EDAR: variants seen among roughly 807,000 people sequenced by gnomAD.
The protein encoded by EDAR is tumor necrosis factor receptor superfamily member EDAR.
A neutral mutation model predicts 51.3 loss-of-function variants in EDAR; 38 were observed. The ratio of observed to expected loss-of-function variants is 0.74; its 90% CI spans 0.57 to 0.97. The LOEUF is 0.97. Ranked by LOEUF, EDAR falls within the 50% of genes least tolerant of loss-of-function variation. The pLI is 0.00. For missense variants in EDAR, 528 were observed against 595.0 expected, an observed-to-expected ratio of 0.89 and a Z score of 1.17; for synonymous variants, 227 against 242.1, an observed-to-expected ratio of 0.94 and a Z score of 0.58.
chr2:108,970,163 T>C (rs190949597), intron 1 of EDAR, among the ~76,000 whole-genome samples: 1 of 152,248 alleles, frequency 6.6e-6, no homozygotes, highest in Admixed American at 6.5e-5. Flanking sequence ...GAGCATCGCC[T>C]GGGAGCTCCT....
chr2:108,946,422 G>A (rs187108382), intron 1 of EDAR, among the ~76,000 whole-genome samples: 2 of 152,340 alleles, frequency 1.3e-5, no homozygotes, highest in African/African-American at 2.4e-5. Flanking sequence ...TTGGGGACTG[G>A]TGTCAGGAAT....
intron 8 of EDAR, 58 bp from the exon 9 acceptor site, chr2:108,910,590 G>T: frequency 6.7e-7 from 1 of 1,484,472 alleles, no homozygotes; most frequent in Non-Finnish European, 9.4e-7. Context: ...ATGGCTCTGC[G>T]CTCAGCCCAA....
chr2:108,979,234 C>T (rs967463509), intron 1 of EDAR, among the ~76,000 whole-genome samples: 3 of 152,128 alleles, frequency 2.0e-5, no homozygotes, highest in Non-Finnish European at 1.5e-5. Context: ...GGAGAATCTG[C>T]GTCTTAGAGC....
intron 1 of EDAR, among the ~76,000 whole-genome samples, chr2:108,969,392 G>A (rs772304692): frequency 1.6e-4 from 25 of 152,076 alleles, no homozygotes; most frequent in African/African-American, 5.3e-4. Flanking sequence ...TTGTATCTCC[G>A]GTGAGAGGAG....
intron 11 of EDAR, among the ~76,000 whole-genome samples, chr2:108,904,031 T>C (rs1257729414): frequency 6.6e-6 from 1 of 152,084 alleles, no homozygotes; most frequent in Non-Finnish European, 1.5e-5. Context: ...AGCTAAACTA[T>C]AGAATGGAGA....
intron 1 of EDAR, among the ~76,000 whole-genome samples, chr2:108,932,905 A>C (rs1026640231): frequency 1.3e-5 from 2 of 152,188 alleles, no homozygotes; most frequent in African/African-American, 4.8e-5. Flanking sequence ...GGGAGCTTCC[A>C]GTCTGCAGGC....
intron 1 of EDAR, among the ~76,000 whole-genome samples, chr2:108,957,866 C>T (rs1697955446): frequency 6.6e-6 from 1 of 152,144 alleles, no homozygotes. Context: ...GTTTTTGTAA[C>T]GTTTTTGATC....
intron 1 of EDAR, 118 bp from the exon 2 acceptor site, chr2:108,931,150 T>C: frequency 1.2e-6 from 1 of 815,282 alleles, no homozygotes; most frequent in South Asian, 1.4e-5. Context: ...GGGGAAACTA[T>C]ACATCCTAAA....
intron 1 of EDAR, among the ~76,000 whole-genome samples, chr2:108,977,278 C>CT (rs1002338565): frequency 4.0e-5 from 6 of 151,868 alleles, no homozygotes; most frequent in Admixed American, 6.6e-5. Context: ...CTCGCCTTTT[C>CT]TTTTTTTTGA....
intron 8 of EDAR, 38 bp downstream of exon 8, chr2:108,910,738 A>G: frequency 6.2e-7 from 1 of 1,607,330 alleles, no homozygotes; most frequent in Non-Finnish European, 8.5e-7. Flanking sequence ...AGAGATGGGC[A>G]CCGTGCACAT....
rs572592813 is a variant in EDAR at position 108,950,993 on chromosome 2, A to C, written c.-18-19961T>G. ...CAGCTGCAGCCTTTGTCTGCCATCC[A>C]TTGTCCAGCATCTGGGAGCACTGAT... On this transcript the variant is annotated intron_variant, in intron 1 of 11. Coordinates refer to ENST00000258443, the MANE Select transcript of EDAR (RefSeq NM_022336.4). Among the ~76,000 whole-genome samples, 50 of 152,290 alleles carry C rather than the reference A, an allele frequency of 3.3e-4. 1 individual carries two copies. Among genetic ancestry groups the C allele is most frequent in the East Asian group, 1.4e-3 (7 of 5,180 alleles).
At chr2:108,929,140 C>A (rs758156986) in intron 4 of EDAR, 58 bp downstream of exon 4, 15 of 1,599,928 alleles carry the variant, frequency 9.4e-6, no homozygotes, top group Non-Finnish European at 1.2e-5. Flanking sequence ...TTGCCCGTAG[C>A]CCCTCGGGGT....
In EDAR at chr2:108,895,130, G is replaced by T. The variant is rs1336247245; in HGVS notation, c.*1777C>A. On this transcript the variant is annotated 3_prime_UTR_variant, in exon 12 of 12. Transcript: ENST00000258443. ...TTAGCTTGCAGGGTAAACCAAATAG[G>T]TTCGAAAAACAGCAGCAAACAGACA... 2 of 152,568 alleles carry T rather than the reference G, an allele frequency of 1.3e-5. No individual in the cohort carries two copies. Among genetic ancestry groups the T allele is most frequent in the East Asian group, 3.8e-4 (2 of 5,206 alleles). The allele number at this position is 152,568 out of a possible 1,614,324, so 9.5% of individuals were successfully genotyped here.
At chr2:108,958,420 CA>C (rs948811202) in intron 1 of EDAR, among the ~76,000 whole-genome samples, 1 of 141,776 alleles carries the variant, frequency 7.1e-6, no homozygotes, top group Non-Finnish European at 1.5e-5. Context: ...AAAAAAAAAA[CA>C]AAAAACAAAA....
intron 1 of EDAR, among the ~76,000 whole-genome samples, chr2:108,946,197 T>C (rs1243007090): frequency 6.6e-6 from 1 of 152,174 alleles, no homozygotes; most frequent in East Asian, 1.9e-4. Context: ...AGGTACAAAA[T>C]GCACCAGGGC....
chr2:108,896,556 A>T lies in EDAR; in HGVS notation c.*351T>A, dbSNP rs1696595849. Reference sequence around the variant, plus strand: ...CAAACTCCTTAAAGACAGGGACCAGATTCTTCACTTCTGTCATTCCCACGG... The same window carrying T: ...CAAACTCCTTAAAGACAGGGACCAGTTTCTTCACTTCTGTCATTCCCACGG... On this transcript the variant is annotated 3_prime_UTR_variant, in exon 12 of 12. Coordinates refer to ENST00000258443, the MANE Select transcript of EDAR (RefSeq NM_022336.4). 8.0e-6 allele frequency: 2 copies of T among 250,304 alleles called. No individual in the cohort carries two copies. Among genetic ancestry groups the T allele is most frequent in the South Asian group, 1.7e-4 (2 of 11,986 alleles). The allele number at this position is 250,304 out of a possible 1,614,324, so 15.5% of individuals were successfully genotyped here.
In EDAR at chr2:108,894,600, A is replaced by G. The variant is rs1485422980; in HGVS notation, c.*2307T>C. 6.6e-6 allele frequency: 1 copy of G among 152,406 alleles called. No homozygotes were observed. Among genetic ancestry groups the G allele is most frequent in the African/African-American group, 2.4e-5 (1 of 41,402 alleles). The allele number at this position is 152,406 out of a possible 1,614,324, so 9.4% of individuals were successfully genotyped here. Reference sequence around the variant, plus strand: ...CAGACCTACCCTGGGGTGTTTTCTAAATGTTTTAAAGTATTGCAGAATTAT... The same window carrying G: ...CAGACCTACCCTGGGGTGTTTTCTAGATGTTTTAAAGTATTGCAGAATTAT... On this transcript the variant is annotated 3_prime_UTR_variant, in exon 12 of 12. Transcript: ENST00000258443.
Position 108,911,057 on chromosome 2 carries a change from C to T in EDAR, c.545G>A (p.Gly182Glu), listed in dbSNP as rs1389896217. The T allele has an allele frequency of 2.5e-6, 4 of 1,614,124 alleles. No individual in the cohort carries two copies. In the South Asian group the frequency reaches 4.4e-5, roughly 18 times the overall value. ...QHAHKELSGQ[G>E]HLATALIIAM... ...AATGATCAGGGCAGTGGCCAGGTGTCCTTGGCCTGAGAGTTCTGTGGGTGG... is the reference window on the plus strand; with the variant it reads ...AATGATCAGGGCAGTGGCCAGGTGTTCTTGGCCTGAGAGTTCTGTGGGTGG... Residue 182 changes from glycine to glutamate, a missense_variant, in exon 7 of 12, where the codon GGA becomes GAA. Coordinates refer to ENST00000258443, the MANE Select transcript of EDAR (RefSeq NM_022336.4).
intron 1 of EDAR, among the ~76,000 whole-genome samples, chr2:108,942,912 G>A (rs1697635283): frequency 1.3e-5 from 2 of 152,208 alleles, no homozygotes; most frequent in African/African-American, 2.4e-5. Flanking sequence ...TCAATAGATG[G>A]ATTTTCTCCC....
Sources: allele counts gnomAD v4.1 joint callset (sites outside exome capture counted in the v4.1 genomes callset), GRCh38; gene constraint gnomAD v4.1.1; transcripts MANE v1.5; gene names NCBI Gene and HGNC (gene_info 2026-07-23, HGNC 2026-07-21).